Variants in RFX3 observed in about 807,000 individuals in gnomAD.
RFX3 encodes transcription factor RFX3.
A neutral mutation model predicts 98.6 loss-of-function variants in RFX3; 14 were observed. The ratio of observed to expected loss-of-function variants is 0.14; its 90% confidence interval spans 0.09 to 0.22. The LOEUF (loss-of-function observed/expected upper bound fraction) is 0.22, where lower values mean the gene tolerates loss of function less well. Among genes scored for constraint, RFX3 ranks in the 10% least tolerant of loss-of-function variants. RFX3 has a pLI of 1.00. For missense variants in RFX3, 639 were observed against 926.9 expected (o/e 0.69, Z 4.03); for synonymous variants, 383 against 328.4 (o/e 1.17, Z -1.80).
intron 9 of RFX3, among the ~76,000 whole-genome samples, chr9:3,273,802 T>A (rs550745653): frequency 6.6e-5 from 10 of 150,984 alleles, no homozygotes; most frequent in Admixed American, 2.6e-4. Context: ...GAGGCGGTGG[T>A]TGCAGTGAGC....
At chr9:3,283,466 G>A (rs940481296) in intron 7 of RFX3, among the ~76,000 whole-genome samples, 3 of 151,692 alleles carry the variant, frequency 2.0e-5, no homozygotes, top group African/African-American at 7.3e-5. Context: ...AAGTGCCTAT[G>A]TAGCCTGTAC....
intron 4 of RFX3, among the ~76,000 whole-genome samples, chr9:3,327,928 T>A (rs1375340898): frequency 6.6e-6 from 1 of 151,890 alleles, no homozygotes; most frequent in African/African-American, 2.4e-5. Context: ...ACTATAAAGG[T>A]TAGCAATGCA....
chr9:3,525,938 GA>G lies in RFX3; in HGVS notation c.-201del. On this transcript the variant is annotated 5_prime_UTR_variant, in exon 1 of 17. Transcript: ENST00000617270. Reference sequence around the variant, plus strand: ...CTATAACTCACAAAAGAGAGAGAGAGAGGGAGAGAGAGAGAGAGCGAGAGGG... The same window carrying G: ...CTATAACTCACAAAAGAGAGAGAGAGGGGAGAGAGAGAGAGAGCGAGAGGG... The G allele has an allele frequency of 2.0e-5, 18 of 922,422 alleles. No homozygotes were observed. The highest frequency in any genetic ancestry group is 5.0e-5 in the South Asian group (1 of 19,950). 57.1% of individuals were successfully genotyped at this position (922,422 alleles called of 1,614,324 possible).
chr9:3,497,222 G>A (rs1291717747), intron 1 of RFX3, among the ~76,000 whole-genome samples: 1 of 151,956 alleles, frequency 6.6e-6, no homozygotes, highest in African/African-American at 2.4e-5. Context: ...ACAATTGATA[G>A]GCAGTACTAT....
At chr9:3,429,928 G>A (rs1246800129) in intron 1 of RFX3, among the ~76,000 whole-genome samples, 1 of 152,178 alleles carries the variant, frequency 6.6e-6, no homozygotes, top group Non-Finnish European at 1.5e-5. Context: ...CGGCCCACTT[G>A]CAGAGCCAAG....
At chr9:3,311,317 T>C (rs1829932197) in intron 4 of RFX3, among the ~76,000 whole-genome samples, 1 of 152,190 alleles carries the variant, frequency 6.6e-6, no homozygotes, top group African/African-American at 2.4e-5. Context: ...TGAGATCAGG[T>C]AAGACAGAAC....
chr9:3,364,948 G>C (rs1836874768), intron 2 of RFX3, among the ~76,000 whole-genome samples: 1 of 152,020 alleles, frequency 6.6e-6, no homozygotes, highest in Non-Finnish European at 1.5e-5. Flanking sequence ...TTCATTTTAG[G>C]TCCAAAGTTT....
chr9:3,513,289 T>C (rs1817820713), intron 1 of RFX3, among the ~76,000 whole-genome samples: 1 of 152,166 alleles, frequency 6.6e-6, no homozygotes, highest in South Asian at 2.1e-4. Context: ...TTACTAGATA[T>C]GCAGAATATG....
chr9:3,306,178 C>G (rs1829293478), intron 4 of RFX3, among the ~76,000 whole-genome samples: 1 of 151,900 alleles, frequency 6.6e-6, no homozygotes, highest in South Asian at 2.1e-4. Context: ...GATTACTGGC[C>G]CAAGTGTTCA....
chr9:3,235,501 G>A (rs972920724), intron 15 of RFX3, among the ~76,000 whole-genome samples: 1 of 152,172 alleles, frequency 6.6e-6, no homozygotes, highest in Admixed American at 6.5e-5. Context: ...CTAAAAACAA[G>A]ACAAACTTAT....
At chr9:3,382,866 G>C (rs550984586) in intron 2 of RFX3, among the ~76,000 whole-genome samples, 3 of 152,118 alleles carry the variant, frequency 2.0e-5, no homozygotes, top group Admixed American at 6.5e-5. Flanking sequence ...GTTTAAACTG[G>C]ATATTTTTTT....
At chr9:3,304,474 G>A (rs1030749437) in intron 4 of RFX3, among the ~76,000 whole-genome samples, 3 of 151,832 alleles carry the variant, frequency 2.0e-5, no homozygotes, top group Non-Finnish European at 4.4e-5. Flanking sequence ...ATGAATAAAT[G>A]CATAATTACC....
chr9:3,469,781 T>C (rs963105059), intron 1 of RFX3, among the ~76,000 whole-genome samples: 13 of 151,138 alleles, frequency 8.6e-5, no homozygotes, highest in East Asian at 1.9e-4. Flanking sequence ...TTATAGATCA[T>C]GTTGCAGTGA....
At chr9:3,311,044 AAC>A (rs751398352) in intron 4 of RFX3, among the ~76,000 whole-genome samples, 5 of 152,240 alleles carry the variant, frequency 3.3e-5, no homozygotes, top group Admixed American at 6.5e-5. Context: ...TAATTATAAA[AAC>A]AGTTACCTAA....
intron 3 of RFX3, chr9:3,344,804 T>C (rs1834269444): frequency 1.4e-6 from 1 of 705,508 alleles, no homozygotes; most frequent in Admixed American, 2.1e-5. Context: ...AGGCGTCTTT[T>C]TCATTTGGTA....
intron 1 of RFX3, among the ~76,000 whole-genome samples, chr9:3,437,551 C>A (rs1018912888): frequency 4.6e-5 from 7 of 152,092 alleles, no homozygotes; most frequent in African/African-American, 1.7e-4. Flanking sequence ...AAGGCAACTT[C>A]AAGCAAGGGG....
At chr9:3,361,900 T>C (rs887228082) in intron 2 of RFX3, among the ~76,000 whole-genome samples, 2 of 152,110 alleles carry the variant, frequency 1.3e-5, no homozygotes, top group African/African-American at 4.8e-5. Flanking sequence ...TGAGCCATGA[T>C]TGTGCCACTG....
At position 3,416,004 on chromosome 9, in the gene RFX3, C is replaced by T. The variant is rs147088890; in HGVS notation, c.-8-20408G>A. On this transcript the variant is annotated intron_variant, in intron 1 of 16. Transcript: ENST00000617270. ...GTAACTTCAGTTATATTAATCATTG[C>T]TTCTCTAACATGTGCACAACATGTT... 5.2e-3 allele frequency among the ~76,000 whole-genome samples: 793 copies of T among 152,288 alleles called. 9 individuals are homozygous for T. The highest frequency in any genetic ancestry group is 8.0e-3 in the Admixed American group (122 of 15,298).
intron 1 of RFX3, among the ~76,000 whole-genome samples, chr9:3,489,107 T>C (rs960701664): frequency 8.5e-5 from 13 of 152,278 alleles, no homozygotes; most frequent in African/African-American, 2.6e-4. Flanking sequence ...GTAAATCACA[T>C]GATTATTTTT....
Sources: gnomAD v4.1 joint callset for allele counts (sites outside exome capture counted in the v4.1 genomes callset) on GRCh38, gnomAD v4.1.1 for gene constraint, MANE v1.5 for transcripts, NCBI Gene and HGNC (gene_info 2026-07-23, HGNC 2026-07-21) for gene names.